TENM1: variants seen among roughly 807,000 people sequenced by gnomAD.
The protein encoded by TENM1 is teneurin transmembrane protein 1, also known as teneurin-1.
TENM1 carries 35 observed loss-of-function variants against 174.8 expected under a neutral mutation model. The observed-to-expected ratio is 0.20, with a 90% CI of 0.15 to 0.27. The LOEUF (loss-of-function observed/expected upper bound fraction) is 0.27, where lower values mean the gene tolerates loss of function less well. Among genes scored for constraint, TENM1 ranks in the 10% least tolerant of loss-of-function variants. The pLI is 1.00. For missense variants in TENM1, 1,633 were observed against 2,130.1 expected, an observed-to-expected ratio of 0.77 and a Z score of 4.59; for synonymous variants, 781 against 798.7, an observed-to-expected ratio of 0.98 and a Z score of 0.37.
At chrX:124,602,962 A>G (rs1314872376) in intron 11 of TENM1, among the ~76,000 whole-genome samples, 1 of 111,474 alleles carries the variant, frequency 9.0e-6, no homozygotes, top group African/African-American at 3.3e-5. Flanking sequence ...CCTTGTGGGC[A>G]CTAAATAGAA....
the TENM1 span, among the ~76,000 whole-genome samples, chrX:125,135,732 T>A: frequency 8.9e-6 from 1 of 112,049 alleles, no homozygotes. Flanking sequence ...AAAAGAAAAG[T>A]GTAGAGTATC....
chrX:124,381,395 CTCTT>C, intron 31 of TENM1, 101 bp from the exon 35 acceptor site: 1 of 810,704 alleles, frequency 1.2e-6, no homozygotes, highest in Non-Finnish European at 1.7e-6. Context: ...GCTTCCTTCT[CTCTT>C]TAATTTGTCA....
intron 23 of TENM1, among the ~76,000 whole-genome samples, chrX:124,431,892 T>C (rs2147780250): frequency 8.9e-6 from 1 of 112,340 alleles, no homozygotes; most frequent in East Asian, 2.8e-4. Flanking sequence ...TCTGTTTCCA[T>C]GGCTTCCCAA....
At chrX:124,601,567 G>T (rs1448990237) in intron 11 of TENM1, among the ~76,000 whole-genome samples, 3 of 111,033 alleles carry the variant, frequency 2.7e-5, no homozygotes, top group Non-Finnish European at 5.7e-5. Context: ...TTTGAGAAGA[G>T]AAATTCTGAA....
intron 22 of TENM1, among the ~76,000 whole-genome samples, chrX:124,453,828 G>A (rs1438413697): frequency 2.7e-5 from 3 of 111,394 alleles, no homozygotes; most frequent in Non-Finnish European, 5.7e-5. Flanking sequence ...GGGAGATCAT[G>A]TATATTACAT....
At chrX:125,073,059 A>C in the TENM1 span, among the ~76,000 whole-genome samples, 1 of 111,559 alleles carries the variant, frequency 9.0e-6, no homozygotes. Context: ...AACCTTTTGC[A>C]TCACATTGAG....
chrX:124,945,283 G>T (rs1189792626), intron 1 of TENM1, among the ~76,000 whole-genome samples: 1 of 111,579 alleles, frequency 9.0e-6, no homozygotes, highest in Non-Finnish European at 1.9e-5. Context: ...GAGAAAGAGA[G>T]TAGCAGGAGA....
chrX:124,523,616 G>A (rs996400990), exon 17 of TENM1: 6 of 1,209,058 alleles, frequency 5.0e-6, no homozygotes, highest in African/African-American at 1.7e-5. Context: ...CGATGGCCAC[G>A]AGGTCAAAGC....
chrX:124,565,520 T>G (rs371302100), exon 12 of TENM1: 1 of 1,209,719 alleles, frequency 8.3e-7, no homozygotes. Flanking sequence ...AAATTCCTCT[T>G]GAGCAGACTC....
the TENM1 span, among the ~76,000 whole-genome samples, chrX:125,044,114 T>G: frequency 3.6e-5 from 2 of 56,275 alleles, no homozygotes; most frequent in Non-Finnish European, 6.2e-5. Context: ...TGTATACATA[T>G]GTAACTAACC....
exon 22 of TENM1, chrX:124,481,926 G>C (rs1302913191): frequency 8.3e-7 from 1 of 1,202,360 alleles, no homozygotes; most frequent in South Asian, 1.8e-5. Context: ...TTCAGACACA[G>C]GGTCCATAGC....
the TENM1 span, among the ~76,000 whole-genome samples, chrX:125,082,813 T>G: frequency 9.0e-5 from 10 of 111,152 alleles, no homozygotes; most frequent in African/African-American, 2.9e-4. Context: ...GTGTACATAG[T>G]AGTTGTATAT....
chrX:124,456,765 C>A (rs745576463), intron 22 of TENM1, among the ~76,000 whole-genome samples: 2 of 111,730 alleles, frequency 1.8e-5, no homozygotes, highest in Admixed American at 1.9e-4. Context: ...CTGGGGCTAG[C>A]AAGATCTGCA....
chrX:124,711,193 T>C (rs750107319), intron 4 of TENM1, among the ~76,000 whole-genome samples: 4 of 110,800 alleles, frequency 3.6e-5, no homozygotes, highest in Non-Finnish European at 7.6e-5. Context: ...AATGGGCATA[T>C]AAAGAAATTA....
chrX:124,699,877 T>A (rs147919158), intron 5 of TENM1, among the ~76,000 whole-genome samples: 1 of 111,438 alleles, frequency 9.0e-6, no homozygotes, highest in Non-Finnish European at 1.9e-5. Flanking sequence ...AGATCCCTGC[T>A]TAGAGACATT....
chrX:125,139,300 G>A, the TENM1 span, among the ~76,000 whole-genome samples: 7 of 111,134 alleles, frequency 6.3e-5, no homozygotes, highest in African/African-American at 2.3e-4. Context: ...GAGTGGTCAG[G>A]GAGGGCCCCA....
chrX:124,816,205 T>C (rs2055891888), intron 3 of TENM1, among the ~76,000 whole-genome samples: 1 of 111,559 alleles, frequency 9.0e-6, no homozygotes, highest in South Asian at 3.7e-4. Context: ...AGAAAGGAGA[T>C]GATAAAATAG....
chrX:125,033,717 CTT>C, the TENM1 span, among the ~76,000 whole-genome samples: 2,743 of 103,538 alleles, frequency 0.026, 96 homozygotes, highest in African/African-American at 0.089. Flanking sequence ...TGCAGATTTG[CTT>C]TTTTTTTTTT....
At chrX:124,837,001 C>T (rs763436432) in intron 3 of TENM1, among the ~76,000 whole-genome samples, 1 of 112,278 alleles carries the variant, frequency 8.9e-6, no homozygotes, top group African/African-American at 3.2e-5. Flanking sequence ...TCCTGGGCTT[C>T]TCATCTGCTT....
Sources: gnomAD v4.1 joint callset for allele counts (sites outside exome capture counted in the v4.1 genomes callset) on GRCh38, gnomAD v4.1.1 for gene constraint, MANE v1.5 for transcripts, NCBI Gene and HGNC (gene_info 2026-07-23, HGNC 2026-07-21) for gene names.